AHCTF1: variants seen among roughly 807,000 people sequenced by gnomAD.
The protein encoded by AHCTF1 is AT-hook containing transcription factor 1.
A neutral mutation model predicts 248.4 loss-of-function variants in AHCTF1; 24 were observed. That is an observed-to-expected ratio of 0.10 (90% confidence interval 0.07 to 0.14). AHCTF1 has a LOEUF of 0.14. Ranked by LOEUF, AHCTF1 falls within the 10% of genes least tolerant of loss-of-function variation. The pLI, the probability that AHCTF1 is intolerant of heterozygous loss-of-function variation, is 1.00. For synonymous variants in AHCTF1, 786 were observed against 929.8 expected, an observed-to-expected ratio of 0.85 and a Z score of 2.81; for missense variants, 2,206 against 2,636.2, an observed-to-expected ratio of 0.84 and a Z score of 3.57.
intron 1 of AHCTF1, among the ~76,000 whole-genome samples, chr1:246,923,108 CA>C (rs34474643): frequency 0.5 from 56,353 of 111,784 alleles, 11,886 homozygotes; most frequent in Middle Eastern, 0.55. Context: ...CAAATAATAC[CA>C]AAAAAAAAAA....
chr1:246,841,272 T>C (rs1572346134), intron 35 of AHCTF1, among the ~76,000 whole-genome samples: 1 of 152,248 alleles, frequency 6.6e-6, no homozygotes, highest in East Asian at 1.9e-4. Flanking sequence ...ATGTTTCAAA[T>C]GTATGAAAAA....
Position 246,886,113 on chromosome 1 carries a change from T to G in AHCTF1, c.2473-433A>C, listed in dbSNP as rs185924135. ...TGGGAGGCTGAGGTGGGCAGATCAG[T>G]TGAGGTCAGGAGTTCAAGACCAGCC... is the stretch of plus-strand genomic sequence containing the variant. On this transcript the variant is annotated intron_variant, in intron 20 of 35. Transcript: ENST00000648844. Among the ~76,000 whole-genome samples the G allele has an allele frequency of 3.0e-3, 461 of 152,160 alleles. 4 individuals carry two copies. The highest frequency in any genetic ancestry group is 0.011 in the African/African-American group (445 of 41,534).
intron 24 of AHCTF1, among the ~76,000 whole-genome samples, chr1:246,873,179 A>G (rs1023741572): frequency 4.6e-5 from 7 of 152,208 alleles, no homozygotes; most frequent in African/African-American, 1.4e-4. Context: ...TGCCCTTGCC[A>G]TACTCTTGAT....
intron 14 of AHCTF1, among the ~76,000 whole-genome samples, chr1:246,892,532 G>C (rs564302045): frequency 3.3e-5 from 5 of 151,990 alleles, no homozygotes; most frequent in South Asian, 4.1e-4. Flanking sequence ...TGTTGGCCAG[G>C]CTGGCCTCGA....
rs769093519 is a variant in AHCTF1, at chr1:246,920,013, T to C, written c.-7-1636A>G. On this transcript the variant is annotated intron_variant, in intron 1 of 35. Coordinates refer to ENST00000648844, the MANE Select transcript of AHCTF1 (RefSeq NM_001323342.2). ...AATAAATTAGCCGGGCGTGGAGGCA[T>C]ACGCTTGTAATTCCAGCTACTCAGG... Among the ~76,000 whole-genome samples, 14 of 150,080 alleles carry C rather than the reference T, an allele frequency of 9.3e-5. 1 individual carries two copies. Among genetic ancestry groups the C allele is most frequent in the Non-Finnish European group, 1.6e-4 (11 of 67,390 alleles).
intron 35 of AHCTF1, among the ~76,000 whole-genome samples, chr1:246,841,704 C>A (rs1352102290): frequency 1.3e-5 from 2 of 152,188 alleles, no homozygotes; most frequent in African/African-American, 4.8e-5. Context: ...ATCCCACTTC[C>A]CTTTCCTACT....
intron 23 of AHCTF1, among the ~76,000 whole-genome samples, 190 bp from the exon 24 acceptor site, chr1:246,876,377 T>C (rs1473698975): frequency 3.3e-5 from 5 of 152,146 alleles, no homozygotes; most frequent in African/African-American, 1.2e-4. Flanking sequence ...ATCAATAAAT[T>C]CCAAATCTCG....
At chr1:246,876,892 A>G in intron 23 of AHCTF1, 58 bp downstream of exon 23, 1 of 1,585,864 alleles carries the variant, frequency 6.3e-7, no homozygotes, top group Non-Finnish European at 8.6e-7. Flanking sequence ...AACAACCAAA[A>G]AAGCCTCCAG....
intron 33 of AHCTF1, among the ~76,000 whole-genome samples, chr1:246,848,431 G>C (rs893087694): frequency 6.6e-6 from 1 of 151,634 alleles, no homozygotes; most frequent in Non-Finnish European, 1.5e-5. Flanking sequence ...TCGATCTCCT[G>C]ATCTCGTGAT....
At chr1:246,883,779 G>A (rs576831934) in intron 21 of AHCTF1, among the ~76,000 whole-genome samples, 1 of 152,120 alleles carries the variant, frequency 6.6e-6, no homozygotes, top group East Asian at 1.9e-4. Context: ...TAGTTTTCTG[G>A]GGACTGGAAA....
intron 1 of AHCTF1, chr1:246,931,197 C>T (rs1458436673): frequency 6.5e-7 from 1 of 1,550,318 alleles, no homozygotes. Flanking sequence ...CGGCCGCTTC[C>T]CTCGGGGAAA....
chr1:246,855,621 G>T, intron 31 of AHCTF1, 109 bp downstream of exon 31: 1 of 814,202 alleles, frequency 1.2e-6, no homozygotes, highest in Non-Finnish European at 1.9e-6. Flanking sequence ...GAATAACTGA[G>T]GAGGAAAAAT....
chr1:246,874,829 C>T (rs1393651701), intron 24 of AHCTF1, among the ~76,000 whole-genome samples: 1 of 152,140 alleles, frequency 6.6e-6, no homozygotes, highest in East Asian at 1.9e-4. Context: ...TACAAAAAAA[C>T]CTGACCTCCG....
At chr1:246,900,003 T>C in intron 10 of AHCTF1, 62 bp downstream of exon 10, 4 of 1,461,134 alleles carry the variant, frequency 2.7e-6, no homozygotes, top group Non-Finnish European at 3.8e-6. Flanking sequence ...CTACACAACG[T>C]ATACATTTAC....
chr1:246,871,715 T>G (rs1263913599), intron 24 of AHCTF1, among the ~76,000 whole-genome samples: 2 of 152,160 alleles, frequency 1.3e-5, no homozygotes, highest in African/African-American at 2.4e-5. Context: ...GTGCATTTTT[T>G]TTTGAGGCCT....
At chr1:246,929,076 T>C (rs2642977) in intron 1 of AHCTF1, among the ~76,000 whole-genome samples, 91,360 of 151,982 alleles carry the variant, frequency 0.6, 29,769 homozygotes, top group African/African-American at 0.87. Flanking sequence ...GTACATATGC[T>C]GTGAGATCCC....
intron 13 of AHCTF1, 46 bp downstream of exon 13, chr1:246,895,789 A>G: frequency 6.9e-7 from 1 of 1,453,320 alleles, no homozygotes; most frequent in Non-Finnish European, 9.5e-7. Context: ...TAGCAAGTTG[A>G]TAACTTTAAA....
At chr1:246,926,833 GCAA>G (rs1327769727) in intron 1 of AHCTF1, among the ~76,000 whole-genome samples, 1 of 151,892 alleles carries the variant, frequency 6.6e-6, no homozygotes, top group African/African-American at 2.4e-5. Flanking sequence ...TCCAGCCTGG[GCAA>G]CAAGAGCGAA....
chr1:246,906,861 C>T (rs1258356424), intron 5 of AHCTF1, among the ~76,000 whole-genome samples: 1 of 152,056 alleles, frequency 6.6e-6, no homozygotes, highest in African/African-American at 2.4e-5. Flanking sequence ...TTTTAAAAAT[C>T]CTTTTTTTTC....
Sources: allele counts gnomAD v4.1 joint callset (sites outside exome capture counted in the v4.1 genomes callset), GRCh38; gene constraint gnomAD v4.1.1; transcripts MANE v1.5; gene names NCBI Gene and HGNC (gene_info 2026-07-23, HGNC 2026-07-21).